METTL8: variants seen among roughly 807,000 people sequenced by gnomAD.
The protein encoded by METTL8 is methyltransferase 8, tRNA N3-cytidine, also known as tRNA N(3)-cytidine methyltransferase METTL8, mitochondrial.
In METTL8, 32 loss-of-function variants were observed where a neutral mutation model predicts 48.7. That is an observed-to-expected ratio of 0.66 (90% CI 0.50 to 0.88). The LOEUF (loss-of-function observed/expected upper bound fraction) is 0.88. METTL8 is among the 40% of genes least tolerant of loss of function. METTL8 has a pLI of 0.00. For missense variants in METTL8, 464 were observed against 474.4 expected (o/e 0.98, Z 0.20); for synonymous variants, 136 against 157.1 (o/e 0.87, Z 1.01).
intron 1 of METTL8, among the ~76,000 whole-genome samples, chr2:171,393,111 A>T (rs543054731): frequency 6.6e-6 from 1 of 151,356 alleles, no homozygotes; most frequent in African/African-American, 2.4e-5. Context: ...CTCAAAACAA[A>T]CAAAACAAAA....
rs1693495558 is a variant in METTL8 at position 171,433,955 on chromosome 2, C to T, written c.-85G>A. 1 of 203,032 alleles carries T rather than the reference C, an allele frequency of 4.9e-6. No individual in the cohort carries two copies. Among genetic ancestry groups the T allele is most frequent in the Non-Finnish European group, 1.0e-5 (1 of 99,052 alleles). 12.6% of individuals were successfully genotyped at this position (203,032 alleles called of 1,614,324 possible). On this transcript the variant is annotated 5_prime_UTR_variant, in exon 1 of 10. Transcript: ENST00000375258. ...CCCTCCCGGCACCTGGCCAGAACCT[C>T]CCAGGGCGAAGGTCGGGGCCGAGAA...
chr2:171,348,017 G>C (rs775017796), intron 3 of METTL8, among the ~76,000 whole-genome samples: 2 of 152,198 alleles, frequency 1.3e-5, no homozygotes, highest in Non-Finnish European at 2.9e-5. Context: ...GATAAGATAG[G>C]TAGGCACTGC....
chr2:171,386,749 G>T (rs1688090308), intron 2 of METTL8, among the ~76,000 whole-genome samples: 1 of 152,086 alleles, frequency 6.6e-6, no homozygotes. Context: ...CCTAGGTGAG[G>T]ACAGGCATTT....
rs1295625594 is a variant in METTL8 at position 171,320,786 on chromosome 2, T to G, written c.*3386A>C. The G allele has an allele frequency of 6.6e-6, 1 of 152,220 alleles. No individual in the cohort carries two copies. The highest frequency in any genetic ancestry group is 1.9e-4 in the East Asian group (1 of 5,202). 9.4% of individuals were successfully genotyped at this position (152,220 alleles called of 1,614,324 possible). On this transcript the variant is annotated 3_prime_UTR_variant, in exon 10 of 10. Coordinates refer to ENST00000375258, the MANE Select transcript of METTL8 (RefSeq NM_001321154.2). ...TTTGAGGACTTGCCATCAAGGCAAGTTTGTGCAAAAACCTTTATGTGGTCT... is the reference window on the plus strand; with the variant it reads ...TTTGAGGACTTGCCATCAAGGCAAGGTTGTGCAAAAACCTTTATGTGGTCT...
In METTL8 at chr2:171,333,095, C is replaced by T. The variant is rs1360023175; in HGVS notation, c.657-1228G>A. ...GGTGCAGGTTATACTCTTTTTTTTT[C>T]TTTTCTTTTTTTTTTTTGAGACCCC... On this transcript the variant is annotated intron_variant, in intron 5 of 9. Coordinates refer to ENST00000375258, the MANE Select transcript of METTL8 (RefSeq NM_001321154.2). 5.4e-5 allele frequency among the ~76,000 whole-genome samples: 7 copies of T among 129,322 alleles called. No homozygotes were observed. The East Asian group carries it at 1.1e-3, about 20-fold the overall frequency. The allele number at this position is 129,322 out of a possible 152,430, so 84.8% of individuals were successfully genotyped here. A position where few individuals can be genotyped will look rare whatever the true frequency, so the allele number is the denominator to read the frequency against.
At chr2:171,381,089 CAG>C (rs2105529421) in intron 2 of METTL8, among the ~76,000 whole-genome samples, 1 of 152,098 alleles carries the variant, frequency 6.6e-6, no homozygotes, top group South Asian at 2.1e-4. Context: ...CTCCATTAAA[CAG>C]AGAAATAAGT....
chr2:171,399,833 T>C (rs956424130), intron 1 of METTL8, among the ~76,000 whole-genome samples: 5 of 152,044 alleles, frequency 3.3e-5, no homozygotes, highest in African/African-American at 1.2e-4. Context: ...TTTTGCAAAT[T>C]GAAAAAATAT....
chr2:171,324,870 T>C (rs1234599294), intron 9 of METTL8, among the ~76,000 whole-genome samples: 1 of 152,120 alleles, frequency 6.6e-6, no homozygotes, highest in African/African-American at 2.4e-5. Flanking sequence ...AAGACCAGCC[T>C]GGCCAGGGTG....
chr2:171,332,800 T>C (rs1286052761), intron 5 of METTL8: 1 of 152,168 alleles, frequency 6.6e-6, no homozygotes, highest in African/African-American at 2.4e-5. Context: ...GTATAAGTCT[T>C]AAAATTTCTG....
At chr2:171,353,454 G>T (rs1684178811) in intron 3 of METTL8, among the ~76,000 whole-genome samples, 1 of 152,166 alleles carries the variant, frequency 6.6e-6, no homozygotes, top group African/African-American at 2.4e-5. Context: ...GTTGATCTGG[G>T]GTGGAGAGTT....
In METTL8 at chr2:171,317,758, G is replaced by A. The variant is rs1414674526; in HGVS notation, c.*6414C>T. On this transcript the variant is annotated 3_prime_UTR_variant, in exon 10 of 10. Coordinates refer to ENST00000375258, the MANE Select transcript of METTL8 (RefSeq NM_001321154.2). The stretch of plus-strand genomic sequence containing the variant: ...CAGTGCCTTGTAGCTTGCCTTTGCC[G>A]AGCTCCAGGGGCAGCTGAGGGTGGG... 1 of 152,192 alleles carries A rather than the reference G, an allele frequency of 6.6e-6. No homozygotes were observed. Among genetic ancestry groups the A allele is most frequent in the Admixed American group, 6.5e-5 (1 of 15,278 alleles). 9.4% of individuals were successfully genotyped at this position (152,192 alleles called of 1,614,324 possible).
chr2:171,351,032 C>T (rs1438967969), intron 3 of METTL8, among the ~76,000 whole-genome samples: 1 of 152,142 alleles, frequency 6.6e-6, no homozygotes, highest in African/African-American at 2.4e-5. Context: ...ACATGAAGTC[C>T]TTGCCCATGC....
At position 171,339,567 on chromosome 2, in the gene METTL8, G is replaced by T; in HGVS notation, c.236-13C>A. ...CTCTCATACTTAACTAAAATAAAGA[G>T]GAAAAAGAAAGATTTATTTTACTAC... On this transcript the variant is annotated splice_polypyrimidine_tract_variant and intron_variant, in intron 3 of 9. Transcript: ENST00000375258. 7.3e-7 allele frequency: 1 copy of T among 1,374,866 alleles called. No individual in the cohort carries two copies. 85.2% of individuals were successfully genotyped at this position (1,374,866 alleles called of 1,614,324 possible).
intron 2 of METTL8, among the ~76,000 whole-genome samples, chr2:171,374,089 C>A (rs529785707): frequency 2.6e-3 from 396 of 152,204 alleles, no homozygotes; most frequent in African/African-American, 8.6e-3. Flanking sequence ...CATTTTCACG[C>A]TATTGATTCT....
intron 3 of METTL8, among the ~76,000 whole-genome samples, chr2:171,343,511 G>C (rs565442929): frequency 4.9e-4 from 74 of 151,722 alleles, no homozygotes; most frequent in Non-Finnish European, 5.7e-4. Flanking sequence ...AAAATACACA[G>C]AATAGTATAT....
intron 1 of METTL8, among the ~76,000 whole-genome samples, chr2:171,405,191 T>C (rs1213837022): frequency 6.6e-6 from 1 of 152,022 alleles, no homozygotes; most frequent in Admixed American, 6.6e-5. Context: ...ATAGCCCCAA[T>C]AGGTACTTAG....
rs75691123 is a variant in METTL8 at position 171,342,466 on chromosome 2, T to G, written c.236-2912A>C. ...CTATTTTCCTTCTTTTTCAATAATT[T>G]TGGTGTATCTCCACTTTTAAAAATT... On this transcript the variant is annotated intron_variant, in intron 3 of 9. Transcript: ENST00000375258. Among the ~76,000 whole-genome samples, 1,361 of 152,336 alleles carry G rather than the reference T, an allele frequency of 8.9e-3. 28 individuals carry two copies. Among genetic ancestry groups the G allele is most frequent in the African/African-American group, 0.031 (1,306 of 41,578 alleles).
intron 6 of METTL8, among the ~76,000 whole-genome samples, 184 bp from the exon 7 acceptor site, chr2:171,330,882 G>A (rs985329605): frequency 2.0e-5 from 3 of 151,904 alleles, no homozygotes; most frequent in African/African-American, 7.3e-5. Flanking sequence ...AAAAATTAAG[G>A]CTAGCTCTTG....
chr2:171,406,606 C>T (rs1339669668), intron 1 of METTL8, among the ~76,000 whole-genome samples: 1 of 152,110 alleles, frequency 6.6e-6, no homozygotes, highest in Non-Finnish European at 1.5e-5. Flanking sequence ...GGGCCTCACT[C>T]CTAAGACCTC....
Sources: gnomAD v4.1 joint callset for allele counts (sites outside exome capture counted in the v4.1 genomes callset) on GRCh38, gnomAD v4.1.1 for gene constraint, MANE v1.5 for transcripts, NCBI Gene and HGNC (gene_info 2026-07-23, HGNC 2026-07-21) for gene names.